The following ECH1 variants were observed in gnomAD, a reference collection of about 807,000 sequenced individuals.
The protein encoded by ECH1 is enoyl-CoA hydratase 1, also known as delta(3,5)-Delta(2,4)-dienoyl-CoA isomerase, mitochondrial.
Under a neutral mutation model 37.0 loss-of-function variants are expected in ECH1, and 30 were observed. That is an observed-to-expected ratio of 0.81 (90% CI 0.61 to 1.10). ECH1 has a LOEUF of 1.10. Among genes scored for constraint, ECH1 ranks in the 50% least tolerant of loss-of-function variants. The pLI is 0.00. For synonymous variants in ECH1, 178 were observed against 176.0 expected (o/e 1.01, Z -0.09); for missense variants, 456 against 441.6 (o/e 1.03, Z -0.29).
Position 38,825,651 on chromosome 19 carries a change from T to G in ECH1, c.349+5427A>C, listed in dbSNP as rs867916227. Among the ~76,000 whole-genome samples, 5 of 152,290 alleles carry G rather than the reference T, an allele frequency of 3.3e-5. No homozygotes were observed. The East Asian group carries it at 7.7e-4, about 24-fold the overall frequency. On this transcript the variant is annotated intron_variant, in intron 3 of 9. Transcript: ENST00000221418. ...GATTGGAGAAAGGCCGCAGCCTTAG[T>G]TATGGCCCTCAGACTAACAAACCTT...
At chr19:38,823,402 GTAC>G (rs1971693497) in intron 3 of ECH1, among the ~76,000 whole-genome samples, 1 of 152,212 alleles carries the variant, frequency 6.6e-6, no homozygotes. Flanking sequence ...CAAGCAGTGA[GTAC>G]CACTGGACCC....
Position 38,831,155 on chromosome 19 carries a change from T to C in ECH1, c.272A>G (p.Glu91Gly). The C allele has an allele frequency of 6.2e-7, 1 of 1,614,084 alleles. No homozygotes were observed. The highest frequency in any genetic ancestry group is 8.5e-7 in the Non-Finnish European group (1 of 1,180,018). ...MNKVFWREMV[E>G]CFNKISRDAD... ...GTCTCTCGAAATCTTGTTGAAGCAC[T>C]CTACCATCTCTCTGTGAAGCAACGA... is the stretch of plus-strand genomic sequence containing the variant. Residue 91 changes from glutamate (E) to glycine (G), a missense_variant, in exon 3 of 10, where the codon GAG becomes GGG. Transcript: ENST00000221418.
chr19:38,828,391 C>T (rs557189536), intron 3 of ECH1, among the ~76,000 whole-genome samples: 22 of 151,948 alleles, frequency 1.4e-4, no homozygotes, highest in Admixed American at 7.2e-4. Flanking sequence ...ACCACCACGC[C>T]GGGAAAATTT....
chr19:38,815,521 C>T lies in ECH1; in HGVS notation c.*92G>A. On this transcript the variant is annotated 3_prime_UTR_variant, in exon 10 of 10. Coordinates refer to ENST00000221418, the MANE Select transcript of ECH1 (RefSeq NM_001398.3). Reference sequence around the variant, plus strand: ...TAAACTGGGAAACTGGGTCAGAAGGCATAGAAACAACTGTCATCGCCCATC... The same window carrying T: ...TAAACTGGGAAACTGGGTCAGAAGGTATAGAAACAACTGTCATCGCCCATC... 8.1e-7 allele frequency: 1 copy of T among 1,227,112 alleles called. No individual in the cohort carries two copies. Among genetic ancestry groups the T allele is most frequent in the Non-Finnish European group, 1.2e-6 (1 of 841,868 alleles). The allele number at this position is 1,227,112 out of a possible 1,614,324, so 76.0% of individuals were successfully genotyped here.
intron 3 of ECH1, chr19:38,818,427 C>T (rs1971609661): frequency 2.0e-6 from 2 of 983,500 alleles, no homozygotes; most frequent in South Asian, 4.7e-5. Flanking sequence ...CCAGTCTATT[C>T]CCTACAGGCA....
chr19:38,820,053 CTTTTTT>C (rs1168608450), intron 3 of ECH1: 2,235 of 139,430 alleles, frequency 0.016, 45 homozygotes, highest in African/African-American at 0.099. Context: ...GTCCCCCTTA[CTTTTTT>C]TTTTTTTTTT....
intron 1 of ECH1, 72 bp downstream of exon 1, chr19:38,831,649 C>A: frequency 6.3e-7 from 1 of 1,596,026 alleles, no homozygotes; most frequent in Admixed American, 1.8e-5. Flanking sequence ...CCCCGGATAG[C>A]CCTCCCCGTC....
At chr19:38,820,892 C>G (rs891117439) in intron 3 of ECH1, among the ~76,000 whole-genome samples, 2 of 152,116 alleles carry the variant, frequency 1.3e-5, no homozygotes, top group African/African-American at 4.8e-5. Context: ...ATCTGCAGCA[C>G]CCAGGAGGGG....
intron 3 of ECH1, among the ~76,000 whole-genome samples, chr19:38,821,561 G>A (rs974657903): frequency 3.9e-5 from 6 of 152,146 alleles, no homozygotes; most frequent in Admixed American, 1.3e-4. Flanking sequence ...GTTCCGGGTG[G>A]GTGTGAGCTC....
At chr19:38,817,413 C>T (rs2287954) in intron 4 of ECH1, 38 bp downstream of exon 4, 20,984 of 1,610,250 alleles carry the variant, frequency 0.013, 542 homozygotes, top group Admixed American at 0.11. Context: ...AGGGGAGGCG[C>T]GTATGGAGAA....
intron 3 of ECH1, among the ~76,000 whole-genome samples, chr19:38,821,466 C>T (rs1357567262): frequency 2.0e-5 from 3 of 152,324 alleles, no homozygotes; most frequent in East Asian, 1.9e-4. Flanking sequence ...AGATCGGAGC[C>T]GGCTCCCTCT....
At chr19:38,817,158 T>G in intron 5 of ECH1, 29 bp from the exon 6 acceptor site, 1 of 1,557,920 alleles carries the variant, frequency 6.4e-7, no homozygotes, top group Non-Finnish European at 8.7e-7. Flanking sequence ...GGATGCTGAA[T>G]GACCACCAGA....
intron 3 of ECH1, among the ~76,000 whole-genome samples, chr19:38,819,764 T>C (rs1167970237): frequency 6.6e-6 from 1 of 151,908 alleles, no homozygotes; most frequent in Non-Finnish European, 1.5e-5. Flanking sequence ...TGGGCAACAT[T>C]GCAAGACCTC....
chr19:38,816,372 G>A lies in ECH1; in HGVS notation c.660-17C>T, dbSNP rs1426038935. 6.2e-7 allele frequency: 1 copy of A among 1,613,916 alleles called. No individual in the cohort carries two copies. Among genetic ancestry groups the A allele is most frequent in the Non-Finnish European group, 8.5e-7 (1 of 1,179,982 alleles). ...TTGACCAGGCTGCAAAGGCAAGCGTGCATCAGGAGGCGGCTGCCACCCCGG... is the reference window on the plus strand; with the variant it reads ...TTGACCAGGCTGCAAAGGCAAGCGTACATCAGGAGGCGGCTGCCACCCCGG... On this transcript the variant is annotated splice_polypyrimidine_tract_variant and intron_variant, in intron 7 of 9. Coordinates refer to ENST00000221418, the MANE Select transcript of ECH1 (RefSeq NM_001398.3).
chr19:38,817,203 T>C (rs1971590077), intron 5 of ECH1, 74 bp from the exon 6 acceptor site: 1 of 1,550,368 alleles, frequency 6.5e-7, no homozygotes, highest in Non-Finnish European at 8.7e-7. Flanking sequence ...GGGCTGCCTC[T>C]TGGGACACAG....
At chr19:38,817,647 C>A in intron 3 of ECH1, 72 bp from the exon 4 acceptor site, 1 of 1,505,908 alleles carries the variant, frequency 6.6e-7, no homozygotes, top group Non-Finnish European at 8.9e-7. Flanking sequence ...GGGATCAGAA[C>A]CCAGGCACAG....
At position 38,831,152 on chromosome 19, in the gene ECH1, C is replaced by T. The variant is rs781007316; in HGVS notation, c.275G>A (p.Cys92Tyr). 6.2e-7 allele frequency: 1 copy of T among 1,614,092 alleles called. No individual in the cohort carries two copies. ...NKVFWREMVE[C>Y]FNKISRDADC... is the part of the protein sequence containing the mutation. ...AGCGTCTCTCGAAATCTTGTTGAAG[C>T]ACTCTACCATCTCTCTGTGAAGCAA... The change falls in exon 3 of 10, where the codon TGC (cysteine) becomes TAC (tyrosine). Residue 92 changes from cysteine (C) to tyrosine (Y), a missense_variant. Physicochemically the swap from Cys to Tyr is radical, Grantham distance 194. Coordinates refer to ENST00000221418, the MANE Select transcript of ECH1 (RefSeq NM_001398.3).
In ECH1 at chr19:38,824,233, C is replaced by CTT. The variant is rs1446279700; in HGVS notation, c.350-6659_350-6658insAA. On this transcript the variant is annotated intron_variant, in intron 3 of 9. Transcript: ENST00000221418. ...TACTAACAGGAGAATGCTTAGAACTCTAACAGGTTTTCAAGAATGCGTCGG... is the reference window on the plus strand; with the variant it reads ...TACTAACAGGAGAATGCTTAGAACTCTTTAACAGGTTTTCAAGAATGCGTCGG... Among the ~76,000 whole-genome samples, 11 of 152,274 alleles carry CTT rather than the reference C, an allele frequency of 7.2e-5. No homozygotes were observed. The South Asian group carries it at 1.0e-3, about 14-fold the overall frequency.
At chr19:38,816,424 G>GCCCACACC (rs780492093) in intron 7 of ECH1, 29 bp downstream of exon 7, 1 of 1,613,840 alleles carries the variant, frequency 6.2e-7, no homozygotes, top group Admixed American at 1.7e-5. Context: ...GGGGTCTCCT[G>GCCCACACC]CCCACACCCC....
Sources: allele counts gnomAD v4.1 joint callset (sites outside exome capture counted in the v4.1 genomes callset), GRCh38; gene constraint gnomAD v4.1.1; transcripts MANE v1.5; gene names NCBI Gene and HGNC (gene_info 2026-07-23, HGNC 2026-07-21).